Variants in LARGE1 observed in about 807,000 individuals in gnomAD.
LARGE1 encodes xylosyl- and glucuronyltransferase LARGE1.
Under a neutral mutation model 87.6 loss-of-function variants are expected in LARGE1, and 43 were observed. The ratio of observed to expected loss-of-function variants is 0.49; its 90% CI spans 0.38 to 0.63. LARGE1 has a LOEUF of 0.63. LARGE1 is among the 30% of genes least tolerant of loss of function. The pLI is 0.00. For missense variants in LARGE1, 802 were observed against 1,000.2 expected, an observed-to-expected ratio of 0.80 and a Z score of 2.67; for synonymous variants, 434 against 394.6, an observed-to-expected ratio of 1.10 and a Z score of -1.18.
intron 4 of LARGE1, among the ~76,000 whole-genome samples, chr22:33,617,837 C>T (rs2079625697): frequency 6.6e-6 from 1 of 152,198 alleles, no homozygotes; most frequent in Non-Finnish European, 1.5e-5. Context: ...TCTGCTCCCT[C>T]TGGTTTCCTT....
intron 2 of LARGE1, among the ~76,000 whole-genome samples, chr22:33,658,269 C>T (rs2081025935): frequency 6.6e-6 from 1 of 152,112 alleles, no homozygotes; most frequent in Admixed American, 6.5e-5. Flanking sequence ...GTCTAGTTAT[C>T]AGCATTTAAA....
chr22:33,907,848 C>T (rs777184354), intron 1 of LARGE1, among the ~76,000 whole-genome samples: 3 of 152,126 alleles, frequency 2.0e-5, no homozygotes, highest in Non-Finnish European at 2.9e-5. Flanking sequence ...CCACCCGCCT[C>T]GGCCTCCCAA....
At chr22:33,425,148 G>C (rs1459533392) in intron 7 of LARGE1, among the ~76,000 whole-genome samples, 1 of 152,090 alleles carries the variant, frequency 6.6e-6, no homozygotes, top group Non-Finnish European at 1.5e-5. Flanking sequence ...TGTAATCCCA[G>C]CTACTCAGGA....
At chr22:33,672,633 G>A (rs771229319) in intron 2 of LARGE1, among the ~76,000 whole-genome samples, 1 of 151,872 alleles carries the variant, frequency 6.6e-6, no homozygotes, top group African/African-American at 2.4e-5. Context: ...CTAAACTGTT[G>A]GAACAAAAAG....
intron 7 of LARGE1, among the ~76,000 whole-genome samples, chr22:33,428,760 A>T (rs1168641031): frequency 0.046 from 1,185 of 25,876 alleles, 20 homozygotes; most frequent in African/African-American, 0.25. Context: ...GTCACTACTA[A>T]AAAAAAAAAA....
chr22:33,122,787 C>G, the LARGE1 span, among the ~76,000 whole-genome samples: 1 of 152,154 alleles, frequency 6.6e-6, no homozygotes, highest in Admixed American at 6.5e-5. Context: ...GAAAACTGGC[C>G]ACATTTTCTT....
chr22:33,241,602 A>ATATATATGTATCTATGTACATATATG (rs1491108265), intron 11 of LARGE1, among the ~76,000 whole-genome samples: 12 of 152,014 alleles, frequency 7.9e-5, no homozygotes, highest in African/African-American at 2.7e-4. Flanking sequence ...ATATATGTAC[A>ATATATATGTATCTATGTACATATATG]TATATATGTA....
At chr22:33,626,863 C>T (rs1018751198) in intron 3 of LARGE1, among the ~76,000 whole-genome samples, 2 of 152,160 alleles carry the variant, frequency 1.3e-5, no homozygotes, top group East Asian at 3.9e-4. Flanking sequence ...TGAAGGGAAC[C>T]CAAGGGGTCA....
At chr22:33,289,239 T>G (rs1318293264) in intron 12 of LARGE1, among the ~76,000 whole-genome samples, 2 of 152,186 alleles carry the variant, frequency 1.3e-5, no homozygotes, top group Non-Finnish European at 2.9e-5. Flanking sequence ...ATTACAGGCA[T>G]GAGCCACCGC....
At chr22:33,737,877 C>G (rs1312840618) in intron 2 of LARGE1, 2 of 152,136 alleles carry the variant, frequency 1.3e-5, no homozygotes. Context: ...CACACCACAG[C>G]CACAAGAGCC....
intron 6 of LARGE1, among the ~76,000 whole-genome samples, chr22:33,448,753 G>A: frequency 6.6e-6 from 1 of 152,092 alleles, no homozygotes; most frequent in East Asian, 1.9e-4. Flanking sequence ...CTTTATTGAA[G>A]TACCGTACAA....
chr22:33,329,802 G>C (rs766115187), intron 10 of LARGE1, among the ~76,000 whole-genome samples: 1 of 152,106 alleles, frequency 6.6e-6, no homozygotes, highest in Non-Finnish European at 1.5e-5. Flanking sequence ...TTAAAAAGAT[G>C]AGGTTCCTTT....
Position 33,316,214 on chromosome 22 carries a change from T to TA in LARGE1, c.1321_1322insT (p.Asp441ValfsTer5). 6.2e-7 allele frequency: 1 copy of TA among 1,613,896 alleles called. No homozygotes were observed. The highest frequency in any genetic ancestry group is 8.5e-7 in the Non-Finnish European group (1 of 1,179,942). On this transcript the variant is annotated frameshift_variant, in exon 11 of 15. Transcript: ENST00000397394. LOFTEE classifies it high-confidence loss of function. ...CTCTCGCCGGAACTCATAGCACAGG[T>TA]CGTCCTCGTCCAGCTCAGACAGCTG...
chr22:33,720,629 A>G (rs950116464), intron 2 of LARGE1, among the ~76,000 whole-genome samples: 2 of 152,242 alleles, frequency 1.3e-5, no homozygotes, highest in Admixed American at 1.3e-4. Flanking sequence ...GCACCAGCAC[A>G]CACTTGAGGT....
At chr22:33,737,514 A>G (rs544239995) in intron 2 of LARGE1, 1 of 152,254 alleles carries the variant, frequency 6.6e-6, no homozygotes, top group African/African-American at 2.4e-5. Context: ...TGCATTACTT[A>G]AGTCCATAAC....
intron 6 of LARGE1, among the ~76,000 whole-genome samples, chr22:33,548,603 T>G (rs112005053): frequency 2.0e-4 from 30 of 152,082 alleles, no homozygotes; most frequent in Non-Finnish European, 2.8e-4. Flanking sequence ...TTAGGAGAGA[T>G]AGGGTTTCTC....
intron 8 of LARGE1, among the ~76,000 whole-genome samples, chr22:33,383,745 A>C (rs1264896652): frequency 1.3e-5 from 2 of 151,784 alleles, no homozygotes; most frequent in Non-Finnish European, 2.9e-5. Context: ...TAAAGGTTAG[A>C]CTCTATTTGC....
chr22:33,364,168 C>A (rs891279565), intron 9 of LARGE1, among the ~76,000 whole-genome samples: 1 of 152,128 alleles, frequency 6.6e-6, no homozygotes, highest in Non-Finnish European at 1.5e-5. Flanking sequence ...CATTCTCCTG[C>A]CTCAGCCTCC....
intron 1 of LARGE1, among the ~76,000 whole-genome samples, chr22:33,793,757 T>C (rs969687124): frequency 1.3e-5 from 2 of 151,194 alleles, no homozygotes; most frequent in Non-Finnish European, 2.9e-5. Flanking sequence ...TGCAGATCTC[T>C]GTTTTCTCAA....
Sources: allele counts gnomAD v4.1 joint callset (sites outside exome capture counted in the v4.1 genomes callset), GRCh38; gene constraint gnomAD v4.1.1; transcripts MANE v1.5; gene names NCBI Gene and HGNC (gene_info 2026-07-23, HGNC 2026-07-21).